EEFSEC: variants seen among roughly 807,000 people sequenced by gnomAD.
EEFSEC encodes the protein eukaryotic elongation factor, selenocysteine-tRNA specific.
EEFSEC carries 43 observed loss-of-function variants against 42.1 expected under a neutral mutation model. That is an observed-to-expected ratio of 1.02 (90% CI 0.80 to 1.32). The LOEUF is 1.32. EEFSEC is among the 40% of genes most tolerant of loss of function. The pLI is 0.00. For missense variants in EEFSEC, 745 were observed against 803.6 expected, an observed-to-expected ratio of 0.93 and a Z score of 0.88; for synonymous variants, 354 against 339.1, an observed-to-expected ratio of 1.04 and a Z score of -0.48.
intron 4 of EEFSEC, among the ~76,000 whole-genome samples, chr3:128,295,381 A>G (rs2066691786): frequency 1.4e-5 from 2 of 147,072 alleles, no homozygotes; most frequent in Admixed American, 6.8e-5. Context: ...AAGGAAATGC[A>G]TCCGTATCTC....
intron 1 of EEFSEC, among the ~76,000 whole-genome samples, chr3:128,195,396 A>G (rs974085899): frequency 6.6e-6 from 1 of 152,348 alleles, no homozygotes; most frequent in African/African-American, 2.4e-5. Context: ...AAATAATTAA[A>G]TAGATCTTGG....
At chr3:128,339,097 T>G (rs1201474466) in intron 4 of EEFSEC, among the ~76,000 whole-genome samples, 3 of 152,226 alleles carry the variant, frequency 2.0e-5, no homozygotes, top group African/African-American at 7.2e-5. Context: ...CTGAGTAATG[T>G]TCCCAAAAAT....
At position 128,262,143 on chromosome 3, in the gene EEFSEC, G is replaced by T. The variant is rs116353475; in HGVS notation, c.540G>T (p.Pro180=). The change falls in exon 3 of 7, where the codon CCG becomes CCT. Residue 180 remains proline (P), a synonymous_variant. Transcript: ENST00000254730. ...TCCATTTCAGGTTCCGAGGTGCACC[G>T]ATTATACCCGTGGCGGCCAAGCCGG... The part of the protein sequence containing the change: ...TLENTKFRGA[P]IIPVAAKPGG... 5 of 1,613,984 alleles carry T rather than the reference G, an allele frequency of 3.1e-6. No homozygotes were observed. The highest frequency in any genetic ancestry group is 4.2e-6 in the Non-Finnish European group (5 of 1,180,016).
At chr3:128,318,290 A>G (rs2066970229) in intron 4 of EEFSEC, among the ~76,000 whole-genome samples, 1 of 152,184 alleles carries the variant, frequency 6.6e-6, no homozygotes, top group African/African-American at 2.4e-5. Flanking sequence ...TGCTGGGACA[A>G]CTTTCTCATA....
chr3:128,404,666 C>G (rs557703486), intron 6 of EEFSEC, among the ~76,000 whole-genome samples: 13 of 152,346 alleles, frequency 8.5e-5, no homozygotes, highest in African/African-American at 3.1e-4. Flanking sequence ...CCTCCCCATG[C>G]CCACACTCTG....
At chr3:128,170,462 C>T (rs1186684697) in intron 1 of EEFSEC, among the ~76,000 whole-genome samples, 1 of 151,744 alleles carries the variant, frequency 6.6e-6, no homozygotes, top group Non-Finnish European at 1.5e-5. Flanking sequence ...AGGCATGAGA[C>T]TGCACTCCAG....
intron 4 of EEFSEC, among the ~76,000 whole-genome samples, chr3:128,301,279 C>T (rs891630452): frequency 1.4e-4 from 21 of 152,178 alleles, no homozygotes; most frequent in African/African-American, 3.6e-4. Context: ...GCAGCTCCTC[C>T]GGTGTGCACG....
intron 4 of EEFSEC, among the ~76,000 whole-genome samples, chr3:128,333,900 G>A (rs752804859): frequency 5.3e-5 from 8 of 152,154 alleles, no homozygotes; most frequent in African/African-American, 9.7e-5. Context: ...AAGGAGTATC[G>A]AGCTCATCGG....
chr3:128,398,429 C>G (rs866986841), intron 6 of EEFSEC, among the ~76,000 whole-genome samples: 15 of 152,248 alleles, frequency 9.9e-5, no homozygotes, highest in South Asian at 6.2e-4. Flanking sequence ...TTCTGAGGGA[C>G]TCCTTAGAGG....
chr3:128,248,556 A>G (rs908623006), intron 2 of EEFSEC, among the ~76,000 whole-genome samples: 23 of 152,350 alleles, frequency 1.5e-4, no homozygotes, highest in African/African-American at 5.3e-4. Context: ...TTCCCAGCGG[A>G]AGTGGATATG....
intron 1 of EEFSEC, among the ~76,000 whole-genome samples, chr3:128,170,788 T>C (rs990586592): frequency 1.1e-4 from 16 of 152,234 alleles, no homozygotes; most frequent in Non-Finnish European, 2.9e-5. Context: ...GTTAATAGTT[T>C]CTAAAAGTTT....
intron 4 of EEFSEC, among the ~76,000 whole-genome samples, chr3:128,302,518 T>A (rs2066780168): frequency 6.6e-6 from 1 of 152,162 alleles, no homozygotes; most frequent in South Asian, 2.1e-4. Flanking sequence ...ATTATTTTTT[T>A]AAAAAAGTTT....
At chr3:128,163,768 G>A (rs779749056) in intron 1 of EEFSEC, among the ~76,000 whole-genome samples, 14 of 151,952 alleles carry the variant, frequency 9.2e-5, no homozygotes, top group South Asian at 8.3e-4. Context: ...ACCGGTCCTG[G>A]ACATTTCATA....
At chr3:128,220,978 A>C (rs890920686) in intron 1 of EEFSEC, among the ~76,000 whole-genome samples, 3 of 152,230 alleles carry the variant, frequency 2.0e-5, no homozygotes, top group African/African-American at 7.2e-5. Context: ...CACCAAAGTG[A>C]ATTCTCGTTA....
chr3:128,228,691 C>T (rs1437200257), intron 1 of EEFSEC, among the ~76,000 whole-genome samples: 1 of 152,018 alleles, frequency 6.6e-6, no homozygotes. Flanking sequence ...CTGATCCTGT[C>T]CTTGCACTTA....
chr3:128,368,682 G>A (rs2107602359), intron 6 of EEFSEC, among the ~76,000 whole-genome samples: 1 of 152,312 alleles, frequency 6.6e-6, no homozygotes, highest in Admixed American at 6.5e-5. Flanking sequence ...ACTGCCTTTG[G>A]AGCCCTCGGT....
chr3:128,231,661 C>A (rs1370694331), intron 1 of EEFSEC, among the ~76,000 whole-genome samples: 1 of 152,068 alleles, frequency 6.6e-6, no homozygotes, highest in East Asian at 1.9e-4. Context: ...GCCTGATTCC[C>A]AACCCTGCCC....
intron 6 of EEFSEC, among the ~76,000 whole-genome samples, chr3:128,400,535 C>T (rs951183399): frequency 2.0e-5 from 3 of 152,226 alleles, no homozygotes; most frequent in African/African-American, 7.2e-5. Context: ...TCTCTTCCAA[C>T]CCTCTCCAAA....
At chr3:128,164,130 G>A (rs1040501038) in intron 1 of EEFSEC, among the ~76,000 whole-genome samples, 2 of 151,960 alleles carry the variant, frequency 1.3e-5, no homozygotes, top group East Asian at 1.9e-4. Context: ...AAGGGCTTTC[G>A]GCAGCTTGTG....
Sources: gnomAD v4.1 joint callset for allele counts (sites outside exome capture counted in the v4.1 genomes callset) on GRCh38, gnomAD v4.1.1 for gene constraint, MANE v1.5 for transcripts, NCBI Gene and HGNC (gene_info 2026-07-23, HGNC 2026-07-21) for gene names.